Variants in OPCML observed in about 807,000 individuals in gnomAD.
OPCML encodes opioid-binding protein/cell adhesion molecule.
A neutral mutation model predicts 37.8 loss-of-function variants in OPCML; 13 were observed. The ratio of observed to expected loss-of-function variants is 0.34; its 90% CI spans 0.22 to 0.55. The LOEUF (loss-of-function observed/expected upper bound fraction) is 0.55. OPCML is among the 20% of genes least tolerant of loss of function. OPCML has a pLI of 0.91. For synonymous variants in OPCML, 176 were observed against 168.8 expected (o/e 1.04, Z -0.33); for missense variants, 341 against 435.6 (o/e 0.78, Z 1.93).
In OPCML at chr11:133,092,191, C is replaced by T. The variant is rs576211633; in HGVS notation, c.62-149181G>A. Among the ~76,000 whole-genome samples, 20 of 152,310 alleles carry T rather than the reference C, an allele frequency of 1.3e-4. 1 individual carries two copies. In the South Asian group the frequency reaches 3.9e-3, roughly 30 times the overall value. On this transcript the variant is annotated intron_variant, in intron 1 of 7. Transcript: ENST00000524381. ...CACTACATTGGAAGCAGAGAACAGC[C>T]TTCCCCAGACACCAACCTCTCGGCA...
intron 1 of OPCML, among the ~76,000 whole-genome samples, chr11:132,975,525 C>G (rs1352146014): frequency 6.6e-5 from 5 of 76,148 alleles, no homozygotes; most frequent in African/African-American, 2.6e-4. Flanking sequence ...ATCCAGGTTT[C>G]AAGCAAAAAA....
chr11:133,514,025 C>G (rs1273408928), intron 1 of OPCML, among the ~76,000 whole-genome samples: 1 of 152,166 alleles, frequency 6.6e-6, no homozygotes, highest in Non-Finnish European at 1.5e-5. Context: ...GTGGAGAAGT[C>G]TGCCACAGAG....
chr11:132,786,472 C>G (rs2136166589), intron 2 of OPCML, among the ~76,000 whole-genome samples: 1 of 152,204 alleles, frequency 6.6e-6, no homozygotes, highest in South Asian at 2.1e-4. Flanking sequence ...AAATAAATGG[C>G]TTTGATTCTG....
intron 5 of OPCML, 48 bp from the exon 6 acceptor site, chr11:132,436,827 A>G (rs779615860): frequency 6.3e-7 from 1 of 1,586,788 alleles, no homozygotes; most frequent in Admixed American, 1.7e-5. Flanking sequence ...ACGCACGCAC[A>G]CACAGAGTGA....
chr11:132,705,277 C>G (rs1174606532), intron 2 of OPCML, among the ~76,000 whole-genome samples: 1 of 151,938 alleles, frequency 6.6e-6, no homozygotes, highest in African/African-American at 2.4e-5. Context: ...AGTGAGTTCT[C>G]GGGAGTTCTG....
chr11:132,480,083 G>A (rs1279463630), intron 4 of OPCML, among the ~76,000 whole-genome samples: 1 of 152,158 alleles, frequency 6.6e-6, no homozygotes, highest in East Asian at 1.9e-4. Context: ...GCTACAGGAG[G>A]ACATTCAAAC....
intron 2 of OPCML, among the ~76,000 whole-genome samples, chr11:132,759,471 T>C (rs60607515): frequency 0.02 from 3,093 of 152,280 alleles, 85 homozygotes; most frequent in African/African-American, 0.068. Flanking sequence ...AGTGTCTCAA[T>C]TTCAGAACTT....
chr11:133,240,092 C>T (rs1210713789), intron 1 of OPCML, among the ~76,000 whole-genome samples: 9 of 151,574 alleles, frequency 5.9e-5, no homozygotes, highest in East Asian at 1.9e-4. Flanking sequence ...TTAGAATGTA[C>T]GTGCTGCTCA....
At chr11:132,713,754 G>T (rs978428266) in intron 2 of OPCML, among the ~76,000 whole-genome samples, 1 of 152,158 alleles carries the variant, frequency 6.6e-6, no homozygotes, top group African/African-American at 2.4e-5. Flanking sequence ...CCAGGAAAAA[G>T]AGTTATCCAG....
chr11:132,906,268 T>C (rs1944238226), intron 2 of OPCML, among the ~76,000 whole-genome samples: 2 of 152,224 alleles, frequency 1.3e-5, no homozygotes, highest in South Asian at 2.1e-4. Flanking sequence ...CAGAATGCTT[T>C]ACAATAATAT....
At chr11:133,078,235 G>A (rs1261000524) in intron 1 of OPCML, among the ~76,000 whole-genome samples, 1 of 152,174 alleles carries the variant, frequency 6.6e-6, no homozygotes, top group Non-Finnish European at 1.5e-5. Flanking sequence ...CTCAAGATGC[G>A]TGCAGCCGCC....
At chr11:132,535,186 G>A (rs2096337232) in intron 3 of OPCML, among the ~76,000 whole-genome samples, 3 of 151,832 alleles carry the variant, frequency 2.0e-5, no homozygotes, top group East Asian at 1.9e-4. Flanking sequence ...AGTAAAAAGT[G>A]CATAAACTCT....
chr11:133,264,861 C>T (rs568790516), intron 1 of OPCML, among the ~76,000 whole-genome samples: 3 of 152,092 alleles, frequency 2.0e-5, no homozygotes, highest in Non-Finnish European at 4.4e-5. Context: ...TAAGTACTTT[C>T]GGAGGGAGGG....
intron 1 of OPCML, among the ~76,000 whole-genome samples, chr11:133,321,874 T>A (rs1174004518): frequency 1.3e-5 from 2 of 152,014 alleles, no homozygotes; most frequent in African/African-American, 2.4e-5. Context: ...GGCATGAGTG[T>A]TCATGATCAC....
chr11:132,439,877 G>A (rs1206171803), intron 4 of OPCML, among the ~76,000 whole-genome samples: 1 of 152,148 alleles, frequency 6.6e-6, no homozygotes, highest in Non-Finnish European at 1.5e-5. Context: ...TAGAGTCTCA[G>A]GCAGGGTCAA....
chr11:132,519,189 C>A (rs535176298), intron 4 of OPCML, among the ~76,000 whole-genome samples: 5 of 152,242 alleles, frequency 3.3e-5, no homozygotes, highest in Admixed American at 2.0e-4. Flanking sequence ...TGTTAATTCA[C>A]CTGGGACTTT....
chr11:132,978,450 C>T (rs544755766), intron 1 of OPCML, among the ~76,000 whole-genome samples: 1 of 152,258 alleles, frequency 6.6e-6, no homozygotes, highest in African/African-American at 2.4e-5. Flanking sequence ...TGAATCTCAT[C>T]CAGCTGGAAG....
At chr11:133,197,940 C>T (rs1377139847) in intron 1 of OPCML, among the ~76,000 whole-genome samples, 2 of 152,138 alleles carry the variant, frequency 1.3e-5, no homozygotes, top group Non-Finnish European at 2.9e-5. Flanking sequence ...AAATGCCTTC[C>T]TCCAGGAGGC....
At chr11:132,469,412 T>A (rs545150758) in intron 4 of OPCML, among the ~76,000 whole-genome samples, 29 of 149,292 alleles carry the variant, frequency 1.9e-4, no homozygotes, top group Non-Finnish European at 3.9e-4. Context: ...TGTGTGGGGG[T>A]GCGTGTGTAT....
Sources: allele counts gnomAD v4.1 joint callset (sites outside exome capture counted in the v4.1 genomes callset), GRCh38; gene constraint gnomAD v4.1.1; transcripts MANE v1.5; gene names NCBI Gene and HGNC (gene_info 2026-07-23, HGNC 2026-07-21).